Variants in PLCXD3 observed in about 807,000 individuals in gnomAD.
PLCXD3 encodes the protein phosphatidylinositol specific phospholipase C X domain containing 3, also known as PI-PLC X domain-containing protein 3.
Under a neutral mutation model 25.5 loss-of-function variants are expected in PLCXD3, and 19 were observed. That is an observed-to-expected ratio of 0.75 (90% CI 0.52 to 1.09). The LOEUF (loss-of-function observed/expected upper bound fraction) is 1.09. Among genes scored for constraint, PLCXD3 ranks in the 50% least tolerant of loss-of-function variants. The probability of loss-of-function intolerance (pLI) is 0.00; values close to 1 mark genes in which losing one functional copy is unlikely to be tolerated. For missense variants in PLCXD3, 411 were observed against 388.1 expected, an observed-to-expected ratio of 1.06 and a Z score of -0.50; for synonymous variants, 174 against 137.6, an observed-to-expected ratio of 1.26 and a Z score of -1.85.
chr5:41,424,861 T>C (rs1746916355), intron 1 of PLCXD3, among the ~76,000 whole-genome samples: 1 of 152,202 alleles, frequency 6.6e-6, no homozygotes, highest in African/African-American at 2.4e-5. Context: ...GGATTTTGTA[T>C]TCTATATTAT....
intron 1 of PLCXD3, among the ~76,000 whole-genome samples, chr5:41,489,767 T>G (rs1748611876): frequency 2.6e-5 from 4 of 151,864 alleles, no homozygotes; most frequent in Admixed American, 2.6e-4. Flanking sequence ...ATGCTTGTGA[T>G]TTTTGTACAT....
intron 2 of PLCXD3, among the ~76,000 whole-genome samples, chr5:41,332,561 A>C (rs1409451804): frequency 6.6e-6 from 1 of 152,160 alleles, no homozygotes; most frequent in Non-Finnish European, 1.5e-5. Context: ...CTAGAACTAG[A>C]AATACCATTT....
chr5:41,409,691 C>T (rs1297215851), intron 1 of PLCXD3, among the ~76,000 whole-genome samples: 1 of 152,214 alleles, frequency 6.6e-6, no homozygotes, highest in South Asian at 2.1e-4. Context: ...CTGTCTTGTT[C>T]GCTATTGTGC....
intron 2 of PLCXD3, among the ~76,000 whole-genome samples, chr5:41,331,074 T>G (rs999262395): frequency 3.3e-5 from 5 of 152,008 alleles, no homozygotes; most frequent in African/African-American, 1.2e-4. Flanking sequence ...CTATTCAACA[T>G]AGTGTTGGAA....
At chr5:41,386,866 G>T (rs1745652351) in intron 1 of PLCXD3, among the ~76,000 whole-genome samples, 1 of 151,746 alleles carries the variant, frequency 6.6e-6, no homozygotes, top group African/African-American at 2.4e-5. Context: ...CCTTCTGATT[G>T]AAAAAAAGAC....
intron 1 of PLCXD3, among the ~76,000 whole-genome samples, chr5:41,494,177 G>A (rs999638078): frequency 6.6e-5 from 10 of 152,162 alleles, no homozygotes; most frequent in African/African-American, 1.9e-4. Flanking sequence ...GAGCTCACTG[G>A]AGCCTTGAAC....
intron 1 of PLCXD3, among the ~76,000 whole-genome samples, chr5:41,419,577 C>A (rs150654934): frequency 6.6e-6 from 1 of 152,202 alleles, no homozygotes; most frequent in African/African-American, 2.4e-5. Context: ...TGAGGTTTTT[C>A]CCCCAGAGAT....
intron 1 of PLCXD3, among the ~76,000 whole-genome samples, chr5:41,430,859 A>G (rs986968541): frequency 2.6e-5 from 4 of 152,178 alleles, no homozygotes; most frequent in Non-Finnish European, 5.9e-5. Flanking sequence ...ACAAGGAAAA[A>G]CAGGAGAATT....
chr5:41,322,953 A>G (rs1288572076), intron 2 of PLCXD3, among the ~76,000 whole-genome samples: 1 of 147,570 alleles, frequency 6.8e-6, no homozygotes, highest in East Asian at 2.0e-4. Context: ...CAGCCTGGTG[A>G]CAGAACAAGA....
chr5:41,445,958 C>T (rs140142196), intron 1 of PLCXD3, among the ~76,000 whole-genome samples: 127 of 151,710 alleles, frequency 8.4e-4, no homozygotes, highest in African/African-American at 2.9e-3. Flanking sequence ...GAGGCCGAGG[C>T]GGACGAATCA....
chr5:41,339,614 A>G (rs1194732359), intron 2 of PLCXD3, among the ~76,000 whole-genome samples: 2 of 152,084 alleles, frequency 1.3e-5, no homozygotes, highest in Non-Finnish European at 2.9e-5. Flanking sequence ...TGCTCACTTT[A>G]GCTTTAAGTA....
chr5:41,455,229 A>T (rs367763123), intron 1 of PLCXD3, among the ~76,000 whole-genome samples: 1 of 151,960 alleles, frequency 6.6e-6, no homozygotes, highest in East Asian at 1.9e-4. Context: ...CGGAAATATG[A>T]AAGCATACAT....
chr5:41,508,378 C>A (rs1172426342), intron 1 of PLCXD3, among the ~76,000 whole-genome samples: 1 of 152,194 alleles, frequency 6.6e-6, no homozygotes, highest in Admixed American at 6.5e-5. Flanking sequence ...AATCACAAAG[C>A]CTTTCCCTCC....
rs1979328 is a variant in PLCXD3 at position 41,434,046 on chromosome 5, C to T, written c.104-51512G>A. 3.7e-4 allele frequency among the ~76,000 whole-genome samples: 56 copies of T among 152,288 alleles called. No individual in the cohort carries two copies. The East Asian group carries it at 7.1e-3, about 19-fold the overall frequency. On this transcript the variant is annotated intron_variant, in intron 1 of 2. Coordinates refer to ENST00000377801, the MANE Select transcript of PLCXD3 (RefSeq NM_001005473.3). Reference sequence around the variant, plus strand: ...TGCAAACACATTCAGCAGCAGGAGCCATTCACTTCTAACCCACTGTTCAGG... The same window carrying T: ...TGCAAACACATTCAGCAGCAGGAGCTATTCACTTCTAACCCACTGTTCAGG...
chr5:41,422,138 G>T (rs1746843433), intron 1 of PLCXD3, among the ~76,000 whole-genome samples: 1 of 151,994 alleles, frequency 6.6e-6, no homozygotes, highest in Non-Finnish European at 1.5e-5. Flanking sequence ...ATTGTAAAGG[G>T]CTATTGGAAC....
intron 1 of PLCXD3, among the ~76,000 whole-genome samples, chr5:41,400,420 A>T (rs1746145621): frequency 6.6e-6 from 1 of 152,154 alleles, no homozygotes; most frequent in Non-Finnish European, 1.5e-5. Flanking sequence ...ACAATACCTA[A>T]GATTTGGAAG....
intron 2 of PLCXD3, among the ~76,000 whole-genome samples, chr5:41,342,588 T>A (rs1744182336): frequency 6.6e-6 from 1 of 152,132 alleles, no homozygotes; most frequent in African/African-American, 2.4e-5. Context: ...AAAACTGAAA[T>A]AAAATGTACA....
intron 1 of PLCXD3, among the ~76,000 whole-genome samples, chr5:41,483,883 G>T (rs964792050): frequency 6.6e-6 from 1 of 151,958 alleles, no homozygotes; most frequent in Non-Finnish European, 1.5e-5. Context: ...CCAAAATACT[G>T]TCAACACCAC....
At chr5:41,413,657 T>A (rs548844199) in intron 1 of PLCXD3, among the ~76,000 whole-genome samples, 1 of 152,328 alleles carries the variant, frequency 6.6e-6, no homozygotes, top group African/African-American at 2.4e-5. Context: ...GATTAGCTTC[T>A]TGGTCATAAA....
Sources: gnomAD v4.1 joint callset for allele counts (sites outside exome capture counted in the v4.1 genomes callset) on GRCh38, gnomAD v4.1.1 for gene constraint, MANE v1.5 for transcripts, NCBI Gene and HGNC (gene_info 2026-07-23, HGNC 2026-07-21) for gene names.